NEMP2: variants seen among roughly 807,000 people sequenced by gnomAD.
The protein encoded by NEMP2 is UPF0571 transmembrane protein.
Under a neutral mutation model 54.2 loss-of-function variants are expected in NEMP2, and 53 were observed. The observed-to-expected ratio is 0.98, with a 90% CI of 0.78 to 1.23. The LOEUF (loss-of-function observed/expected upper bound fraction) is 1.23, where lower values mean the gene tolerates loss of function less well. NEMP2 is among the 50% of genes most tolerant of loss of function. NEMP2 has a pLI of 0.00. For missense variants in NEMP2, 455 were observed against 511.3 expected, an observed-to-expected ratio of 0.89 and a Z score of 1.06; for synonymous variants, 197 against 190.3, an observed-to-expected ratio of 1.04 and a Z score of -0.29.
At chr2:190,629,435 C>T in the NEMP2 span, among the ~76,000 whole-genome samples, 4 of 152,056 alleles carry the variant, frequency 2.6e-5, no homozygotes, top group South Asian at 2.1e-4. Flanking sequence ...ATCAGAGCAA[C>T]GTGAATTCTG....
chr2:190,599,535 G>C, the NEMP2 span, among the ~76,000 whole-genome samples: 1 of 152,076 alleles, frequency 6.6e-6, no homozygotes, highest in African/African-American at 2.4e-5. Flanking sequence ...TCAGTCAGTA[G>C]GAATAGTATT....
Position 190,518,741 on chromosome 2 carries a change from C to G in NEMP2, c.513G>C (p.Leu171=), listed in dbSNP as rs1437743501. 3 of 1,540,252 alleles carry G rather than the reference C, an allele frequency of 1.9e-6. No homozygotes were observed. Among genetic ancestry groups the G allele is most frequent in the Non-Finnish European group, 2.6e-6 (3 of 1,143,856 alleles). ...GVFLFFYART[L]SQSPTFYYSS... is the part of the protein sequence containing the mutation. ...ATATAAAAAGGAATACTTACTGACTCAGGGTCCTTGCATAAAAGAAAAGAA... is the reference window on the plus strand; with the variant it reads ...ATATAAAAAGGAATACTTACTGACTGAGGGTCCTTGCATAAAAGAAAAGAA... The change falls in exon 4 of 9, where the codon CTG becomes CTC. Residue 171 remains leucine (L), a synonymous_variant. Coordinates refer to ENST00000409150, the MANE Select transcript of NEMP2 (RefSeq NM_001142645.2).
At chr2:190,619,310 C>T in the NEMP2 span, among the ~76,000 whole-genome samples, 1 of 140,290 alleles carries the variant, frequency 7.1e-6, no homozygotes, top group Non-Finnish European at 1.5e-5. This position sits in a 1 kb window ranked among gnomAD's most constrained non-coding sequence, Gnocchi z 5.5. Context: ...CCAGCCTGGG[C>T]AACATATGGA....
At chr2:190,550,471 G>A in the NEMP2 span, among the ~76,000 whole-genome samples, 45 of 152,126 alleles carry the variant, frequency 3.0e-4, no homozygotes, top group Middle Eastern at 6.8e-3. This position sits in a 1 kb window ranked among gnomAD's most constrained non-coding sequence, Gnocchi z 4.7. Flanking sequence ...ATAAATTTTG[G>A]GGGGACACAA....
the NEMP2 span, among the ~76,000 whole-genome samples, chr2:190,589,502 G>A: frequency 6.6e-6 from 1 of 152,144 alleles, no homozygotes; most frequent in Non-Finnish European, 1.5e-5. The surrounding 1 kb of genome is among the most constrained non-coding windows in gnomAD (Gnocchi z 4.3). Flanking sequence ...TTACCAGTAA[G>A]ATTGGTACCT....
rs1210671952 is a variant in NEMP2, at chr2:190,523,642, T to C, written c.213+1621A>G. ...TGTTATGATTCCAGAGCTAAGTCTA[T>C]GAAATTACACACGCCTAGAACATCT... On this transcript the variant is annotated intron_variant, in intron 2 of 8. Transcript: ENST00000409150. This position sits in a 1 kb window ranked among gnomAD's most constrained non-coding sequence, Gnocchi z 5.3. Among the ~76,000 whole-genome samples, 1 of 152,158 alleles carries C rather than the reference T, an allele frequency of 6.6e-6. No individual in the cohort carries two copies. The highest frequency in any genetic ancestry group is 1.5e-5 in the Non-Finnish European group (1 of 68,022).
chr2:190,467,108 C>T, the NEMP2 span, among the ~76,000 whole-genome samples: 7 of 152,168 alleles, frequency 4.6e-5, no homozygotes, highest in Non-Finnish European at 7.4e-5. This position sits in a 1 kb window ranked among gnomAD's most constrained non-coding sequence, Gnocchi z 5.5. Context: ...AAGTGGATTA[C>T]CAACATTGTT....
the NEMP2 span, among the ~76,000 whole-genome samples, chr2:190,580,708 T>C: frequency 2.5e-3 from 382 of 152,200 alleles, 2 homozygotes; most frequent in African/African-American, 9.0e-3. This position sits in a 1 kb window ranked among gnomAD's most constrained non-coding sequence, Gnocchi z 5.3. Flanking sequence ...TAGAAAAATA[T>C]TGTGATGGGC....
the NEMP2 span, among the ~76,000 whole-genome samples, chr2:190,426,511 A>G: frequency 6.6e-6 from 1 of 152,154 alleles, no homozygotes; most frequent in Non-Finnish European, 1.5e-5. The surrounding 1 kb of genome is among the most constrained non-coding windows in gnomAD (Gnocchi z 4.7). Context: ...AGGGGGTACA[A>G]TGCATGTTTG....
At chr2:190,424,255 G>A in the NEMP2 span, among the ~76,000 whole-genome samples, 1 of 146,130 alleles carries the variant, frequency 6.8e-6, no homozygotes, top group Non-Finnish European at 1.5e-5. The surrounding 1 kb of genome is among the most constrained non-coding windows in gnomAD (Gnocchi z 5.9). Context: ...TTTTCTAAAT[G>A]TTTTATAGTT....
chr2:190,537,819 G>C (rs1264897936), upstream of NEMP2, among the ~76,000 whole-genome samples: 1 of 152,064 alleles, frequency 6.6e-6, no homozygotes, highest in Non-Finnish European at 1.5e-5. Flanking sequence ...AAAACTATGG[G>C]GAAAATGTCT....
the NEMP2 span, among the ~76,000 whole-genome samples, chr2:190,618,892 T>C: frequency 3.9e-5 from 6 of 152,268 alleles, no homozygotes; most frequent in African/African-American, 1.4e-4. Context: ...TTTTACGTAC[T>C]CTGTGATTGC....
chr2:190,562,360 T>C, the NEMP2 span, among the ~76,000 whole-genome samples: 7 of 152,202 alleles, frequency 4.6e-5, no homozygotes, highest in African/African-American at 1.7e-4. This position sits in a 1 kb window ranked among gnomAD's most constrained non-coding sequence, Gnocchi z 5.0. Context: ...GGGCTCTTTC[T>C]ATTCTGCAAC....
chr2:190,623,500 G>A, the NEMP2 span, among the ~76,000 whole-genome samples: 8 of 152,314 alleles, frequency 5.3e-5, no homozygotes, highest in African/African-American at 1.7e-4. Context: ...TAGAGACTCA[G>A]AAATAAATCC....
chr2:190,423,238 C>T, the NEMP2 span, among the ~76,000 whole-genome samples: 2 of 152,174 alleles, frequency 1.3e-5, no homozygotes, highest in African/African-American at 4.8e-5. This position sits in a 1 kb window ranked among gnomAD's most constrained non-coding sequence, Gnocchi z 4.3. Flanking sequence ...CTCTCTGTCG[C>T]CACCAAGGTC....
At chr2:190,478,899 A>C in the NEMP2 span, among the ~76,000 whole-genome samples, 1 of 151,932 alleles carries the variant, frequency 6.6e-6, no homozygotes, top group South Asian at 2.1e-4. Flanking sequence ...CCAAAACACC[A>C]CGAGAACTAG....
the NEMP2 span, among the ~76,000 whole-genome samples, chr2:190,587,195 G>A: frequency 5.6e-4 from 85 of 152,274 alleles, no homozygotes; most frequent in Admixed American, 3.3e-4. The surrounding 1 kb of genome is among the most constrained non-coding windows in gnomAD (Gnocchi z 5.4). Flanking sequence ...CTTTCTTCCT[G>A]TAAAAGGATG....
the NEMP2 span, among the ~76,000 whole-genome samples, chr2:190,620,125 G>A: frequency 6.6e-6 from 1 of 152,144 alleles, no homozygotes; most frequent in Non-Finnish European, 1.5e-5. This position sits in a 1 kb window ranked among gnomAD's most constrained non-coding sequence, Gnocchi z 4.9. Context: ...GCTCTCAGTT[G>A]GATGTGATAA....
the NEMP2 span, among the ~76,000 whole-genome samples, chr2:190,616,241 G>T: frequency 6.6e-6 from 1 of 152,146 alleles, no homozygotes; most frequent in Non-Finnish European, 1.5e-5. This position sits in a 1 kb window ranked among gnomAD's most constrained non-coding sequence, Gnocchi z 5.1. Context: ...CAGGGGCATG[G>T]GCCCAAATAC....
Sources: gnomAD v4.1 joint callset for allele counts (sites outside exome capture counted in the v4.1 genomes callset) on GRCh38, gnomAD v4.1.1 for gene constraint, Gnocchi (gnomAD v3.1) non-coding constraint, MANE v1.5 for transcripts, NCBI Gene and HGNC (gene_info 2026-07-23, HGNC 2026-07-21) for gene names.